The following CFAP58 variants were observed in gnomAD, a reference collection of about 807,000 sequenced individuals.
CFAP58 encodes the protein cilia- and flagella-associated protein 58.
CFAP58 carries 88 observed loss-of-function variants against 119.5 expected under a neutral mutation model. The ratio of observed to expected loss-of-function variants is 0.74; its 90% CI spans 0.62 to 0.88. The LOEUF is 0.88. Among genes scored for constraint, CFAP58 ranks in the 40% least tolerant of loss-of-function variants. CFAP58 has a pLI of 0.00. For missense variants in CFAP58, 990 were observed against 1,021.2 expected, an observed-to-expected ratio of 0.97 and a Z score of 0.42; for synonymous variants, 365 against 366.3, an observed-to-expected ratio of 1.00 and a Z score of 0.04.
chr10:104,440,310 A>C (rs1018569277), intron 15 of CFAP58, among the ~76,000 whole-genome samples: 3 of 150,734 alleles, frequency 2.0e-5, no homozygotes, highest in Non-Finnish European at 4.4e-5. Context: ...AAGAATAGGA[A>C]AAAAAAATTC....
chr10:104,347,826 C>T, the CFAP58 span, among the ~76,000 whole-genome samples: 174 of 152,162 alleles, frequency 1.1e-3, 5 homozygotes, highest in African/African-American at 3.7e-3. Flanking sequence ...GACCTGCCAC[C>T]AGGTTCCCAC....
chr10:104,357,852 TATATACAC>T (rs1241322516), intron 1 of CFAP58, among the ~76,000 whole-genome samples: 28 of 44,044 alleles, frequency 6.4e-4, no homozygotes, highest in East Asian at 1.7e-3. Context: ...TATGTACACA[TATATACAC>T]ATATATACAC....
At chr10:104,348,659 A>C in the CFAP58 span, among the ~76,000 whole-genome samples, 2 of 152,138 alleles carry the variant, frequency 1.3e-5, no homozygotes, top group African/African-American at 4.8e-5. Context: ...ACCCTGCCTA[A>C]AGCAGGATTT....
chr10:104,424,944 T>C (rs2012719309), intron 15 of CFAP58, among the ~76,000 whole-genome samples: 1 of 152,178 alleles, frequency 6.6e-6, no homozygotes, highest in African/African-American at 2.4e-5. Context: ...GCACAGTGGC[T>C]GAGAGCTGAG....
chr10:104,381,156 AACAAACAAACAAACAAACAG>A (rs1391299621), intron 9 of CFAP58, among the ~76,000 whole-genome samples: 2 of 152,008 alleles, frequency 1.3e-5, no homozygotes, highest in African/African-American at 2.4e-5. Context: ...TCTCAAAACA[AACAAACAAACAAACAAACAG>A]ACAAACAAAC....
intron 15 of CFAP58, among the ~76,000 whole-genome samples, chr10:104,414,742 T>C (rs1035287956): frequency 1.3e-5 from 2 of 152,190 alleles, no homozygotes; most frequent in African/African-American, 4.8e-5. Context: ...CAATCTCGGC[T>C]CACTGCAAGC....
At chr10:104,367,139 A>G (rs1050925000) in intron 5 of CFAP58, among the ~76,000 whole-genome samples, 1 of 152,036 alleles carries the variant, frequency 6.6e-6, no homozygotes, top group Non-Finnish European at 1.5e-5. Context: ...GATTACAGGC[A>G]TGAGCCACCG....
intron 1 of CFAP58, among the ~76,000 whole-genome samples, chr10:104,357,953 A>ACACATATATTTACATATG (rs1564876121): frequency 8.8e-6 from 1 of 113,008 alleles, no homozygotes; most frequent in African/African-American, 5.2e-5. Flanking sequence ...GTACACATAT[A>ACACATATATTTACATATG]TACACATATA....
chr10:104,407,811 C>T (rs1400758055), intron 15 of CFAP58, among the ~76,000 whole-genome samples: 1 of 152,180 alleles, frequency 6.6e-6, no homozygotes, highest in Non-Finnish European at 1.5e-5. Context: ...ATTCTCCTGC[C>T]TCAGCCTCCC....
chr10:104,378,597 G>A lies in CFAP58; in HGVS notation c.1174-1432G>A, dbSNP rs141327505. ...ATCTCTCTCTGCCAGTTGACTTCCT[G>A]CTGAGTTTTTGCTCCATTCTTCTTT... On this transcript the variant is annotated intron_variant, in intron 8 of 17. Coordinates refer to ENST00000369704, the MANE Select transcript of CFAP58 (RefSeq NM_001008723.2). Among the ~76,000 whole-genome samples, 104 of 152,268 alleles carry A rather than the reference G, an allele frequency of 6.8e-4. 1 individual carries two copies. Among genetic ancestry groups the A allele is most frequent in the African/African-American group, 2.4e-3 (99 of 41,546 alleles).
chr10:104,399,578 C>G (rs2012226310), intron 12 of CFAP58, 78 bp downstream of exon 12: 1 of 1,454,752 alleles, frequency 6.9e-7, no homozygotes. Context: ...AAACTTCCTT[C>G]CTCTCTAAGC....
intron 15 of CFAP58, among the ~76,000 whole-genome samples, chr10:104,436,194 A>G (rs989766234): frequency 3.9e-5 from 6 of 152,200 alleles, no homozygotes; most frequent in Non-Finnish European, 5.9e-5. Flanking sequence ...ACATATGTAC[A>G]TTTTAATCTC....
At chr10:104,378,116 T>G (rs1394317065) in intron 8 of CFAP58, among the ~76,000 whole-genome samples, 1 of 152,210 alleles carries the variant, frequency 6.6e-6, no homozygotes, top group African/African-American at 2.4e-5. Flanking sequence ...ACTTTTGTAT[T>G]TTTTATTTCC....
At chr10:104,364,926 T>TC in intron 4 of CFAP58, 37 bp downstream of exon 4, 2 of 1,596,474 alleles carry the variant, frequency 1.3e-6, no homozygotes, top group Non-Finnish European at 1.7e-6. Context: ...AATATTTCCT[T>TC]CCAGAGGATG....
At chr10:104,351,882 T>A (rs2014463683), upstream of CFAP58, 2 of 152,120 alleles carry the variant, frequency 1.3e-5, no homozygotes, top group African/African-American at 4.8e-5. Context: ...AAGGCAGAGT[T>A]TCTAGTCTTC....
intron 15 of CFAP58, among the ~76,000 whole-genome samples, chr10:104,433,472 G>A (rs991980498): frequency 6.6e-6 from 1 of 152,216 alleles, no homozygotes; most frequent in Non-Finnish European, 1.5e-5. Flanking sequence ...GGTGGAGGTG[G>A]AAATAGGGGA....
Position 104,399,387 on chromosome 10 carries a change from G to T in CFAP58, c.1702G>T (p.Ala568Ser). ...KAELQKLRQQ[A>S]LETKHFIEKQ... Reference sequence around the variant, plus strand: ...TGAGCTGCAGAAGCTGAGACAACAAGCCCTGGAGACAAAACACTTTATTGA... The same window carrying T: ...TGAGCTGCAGAAGCTGAGACAACAATCCCTGGAGACAAAACACTTTATTGA... Residue 568 changes from alanine (A) to serine (S), a missense_variant, in exon 12 of 18, where the codon GCC (alanine) becomes TCC (serine). Transcript: ENST00000369704. 2.5e-6 allele frequency: 4 copies of T among 1,613,826 alleles called. No homozygotes were observed. Among genetic ancestry groups the T allele is most frequent in the Non-Finnish European group, 3.4e-6 (4 of 1,179,856 alleles).
At chr10:104,342,646 A>G in the CFAP58 span, among the ~76,000 whole-genome samples, 1 of 145,728 alleles carries the variant, frequency 6.9e-6, no homozygotes, top group Non-Finnish European at 1.5e-5. Flanking sequence ...CCTGGCCAAT[A>G]TGGCGAAGCC....
Position 104,383,768 on chromosome 10 carries a change from A to ACACACACACG in CFAP58, c.1365+3557_1365+3558insGCACACACAC, listed in dbSNP as rs529117785. ...TTTACTGTCCAACACACACACACACACACACACACACACACTCATTCTCAC... is the reference window on the plus strand; with the variant it reads ...TTTACTGTCCAACACACACACACACACACACACACGCACACACACACACACTCATTCTCAC... On this transcript the variant is annotated intron_variant, in intron 9 of 17. Transcript: ENST00000369704. 6.5e-3 allele frequency among the ~76,000 whole-genome samples: 992 copies of ACACACACACG among 151,824 alleles called. 2 individuals are homozygous for ACACACACACG. The highest frequency in any genetic ancestry group is 0.017 in the Middle Eastern group (5 of 294).
Sources: allele counts gnomAD v4.1 joint callset (sites outside exome capture counted in the v4.1 genomes callset), GRCh38; gene constraint gnomAD v4.1.1; transcripts MANE v1.5; gene names NCBI Gene and HGNC (gene_info 2026-07-23, HGNC 2026-07-21).